TULP4: variants seen among roughly 807,000 people sequenced by gnomAD.
TULP4 encodes the protein TUB like protein 4.
A neutral mutation model predicts 129.0 loss-of-function variants in TULP4; 16 were observed. The ratio of observed to expected loss-of-function variants is 0.12; its 90% CI spans 0.08 to 0.19. TULP4 has a LOEUF of 0.19. Ranked by LOEUF, TULP4 falls within the 10% of genes least tolerant of loss-of-function variation. TULP4 has a pLI of 1.00. For missense variants in TULP4, 1,842 were observed against 2,059.1 expected (o/e 0.89, Z 2.04); for synonymous variants, 998 against 854.0 (o/e 1.17, Z -2.94).
chr6:158,351,864 G>A (rs1480766296), intron 1 of TULP4, among the ~76,000 whole-genome samples: 1 of 151,636 alleles, frequency 6.6e-6, no homozygotes, highest in East Asian at 1.9e-4. Flanking sequence ...TGGGATTATA[G>A]GCATGTGCCA....
chr6:158,369,000 T>C (rs929821379), intron 1 of TULP4, among the ~76,000 whole-genome samples: 4 of 152,234 alleles, frequency 2.6e-5, no homozygotes, highest in Non-Finnish European at 5.9e-5. Context: ...TTTTATTTTA[T>C]AGTGCCACAG....
At chr6:158,337,182 G>C (rs1400134222) in intron 1 of TULP4, among the ~76,000 whole-genome samples, 1 of 118,320 alleles carries the variant, frequency 8.5e-6, no homozygotes, top group Non-Finnish European at 1.6e-5. Context: ...GCCTAGGCTG[G>C]AGTGCAGTGG....
At chr6:158,500,499 G>A (rs2128262161) in intron 12 of TULP4, among the ~76,000 whole-genome samples, 1 of 152,288 alleles carries the variant, frequency 6.6e-6, no homozygotes, top group Admixed American at 6.5e-5. Context: ...GCTGCCACAC[G>A]GTACTTACAC....
chr6:158,331,637 T>A (rs1779880872), intron 1 of TULP4, among the ~76,000 whole-genome samples: 1 of 149,204 alleles, frequency 6.7e-6, no homozygotes, highest in African/African-American at 2.5e-5. Flanking sequence ...ATCTGGCCTC[T>A]AGAGGTGTTC....
At chr6:158,350,899 T>G (rs1440656186) in intron 1 of TULP4, among the ~76,000 whole-genome samples, 1 of 152,002 alleles carries the variant, frequency 6.6e-6, no homozygotes, top group African/African-American at 2.4e-5. Flanking sequence ...TGGCTGGGAT[T>G]ACTGCCACCA....
chr6:158,253,407 C>T (rs185712931), intron 1 of TULP4, among the ~76,000 whole-genome samples: 1 of 152,084 alleles, frequency 6.6e-6, no homozygotes, highest in African/African-American at 2.4e-5. Flanking sequence ...TCTGCCCTGC[C>T]GTAAGTGGAG....
chr6:158,305,334 T>C (rs1373144397), intron 1 of TULP4, among the ~76,000 whole-genome samples: 1 of 97,886 alleles, frequency 1.0e-5, no homozygotes, highest in African/African-American at 3.3e-5. Context: ...CGTGTGTGTG[T>C]GTGTGTGTGT....
chr6:158,506,756 C>A lies in TULP4; in HGVS notation c.*62C>A. ...CTTTGGAAGAGGTCTTCGGAGATGC[C>A]AGAGGAGCCCTCTAGGGGTCCGATG... On this transcript the variant is annotated 3_prime_UTR_variant, in exon 14 of 14. Coordinates refer to ENST00000367097, the MANE Select transcript of TULP4 (RefSeq NM_020245.5). 1 of 1,185,108 alleles carries A rather than the reference C, an allele frequency of 8.4e-7. No homozygotes were observed. Among genetic ancestry groups the A allele is most frequent in the Non-Finnish European group, 1.3e-6 (1 of 796,866 alleles). 73.4% of individuals were successfully genotyped at this position (1,185,108 alleles called of 1,614,324 possible).
At chr6:158,424,739 GGATACA>G (rs1396856251) in intron 2 of TULP4, among the ~76,000 whole-genome samples, 1 of 152,060 alleles carries the variant, frequency 6.6e-6, no homozygotes, top group African/African-American at 2.4e-5. Flanking sequence ...CAGAATCCAT[GGATACA>G]GATGACAAAC....
chr6:158,317,490 A>G (rs1383613827), intron 1 of TULP4, among the ~76,000 whole-genome samples: 2 of 62,488 alleles, frequency 3.2e-5, no homozygotes, highest in African/African-American at 9.1e-5. Context: ...TGCAAAGGAC[A>G]TGAACTCATC....
intron 3 of TULP4, among the ~76,000 whole-genome samples, chr6:158,444,852 C>T (rs768047868): frequency 6.6e-6 from 1 of 152,138 alleles, no homozygotes; most frequent in Non-Finnish European, 1.5e-5. Flanking sequence ...CGCTCAGTCA[C>T]CCAGGGTGGA....
intron 3 of TULP4, among the ~76,000 whole-genome samples, chr6:158,445,750 A>G (rs1374025085): frequency 6.6e-6 from 1 of 152,210 alleles, no homozygotes; most frequent in African/African-American, 2.4e-5. Flanking sequence ...TGTGTTGCTC[A>G]GGAAAGGATG....
At chr6:158,460,186 C>T (rs1779394088) in intron 5 of TULP4, among the ~76,000 whole-genome samples, 1 of 152,216 alleles carries the variant, frequency 6.6e-6, no homozygotes, top group African/African-American at 2.4e-5. Flanking sequence ...CTCTAGTTTT[C>T]AAGAGACGTG....
chr6:158,485,875 G>A (rs1418377658), intron 8 of TULP4, among the ~76,000 whole-genome samples: 1 of 152,194 alleles, frequency 6.6e-6, no homozygotes, highest in Non-Finnish European at 1.5e-5. Flanking sequence ...TTCTATGCCT[G>A]TCCCACAATT....
intron 2 of TULP4, among the ~76,000 whole-genome samples, chr6:158,427,640 C>T (rs374428699): frequency 2.2e-4 from 34 of 151,540 alleles, no homozygotes; most frequent in East Asian, 1.6e-3. Flanking sequence ...ACTACAGGCG[C>T]GTGCCACCAT....
chr6:158,289,804 C>T (rs1583707893), intron 1 of TULP4, among the ~76,000 whole-genome samples: 2 of 151,978 alleles, frequency 1.3e-5, no homozygotes, highest in African/African-American at 2.4e-5. Flanking sequence ...TGGTCTTGAA[C>T]TCCTAGGTTC....
intron 5 of TULP4, among the ~76,000 whole-genome samples, chr6:158,453,519 G>A (rs553333163): frequency 6.3e-4 from 82 of 129,186 alleles, no homozygotes; most frequent in African/African-American, 2.6e-3. Flanking sequence ...AGCCGGGCAC[G>A]GTAGCTCACG....
chr6:158,467,404 C>A (rs572963115), intron 6 of TULP4, among the ~76,000 whole-genome samples: 1 of 152,108 alleles, frequency 6.6e-6, no homozygotes, highest in South Asian at 2.1e-4. Context: ...CTCAGCCTCC[C>A]GAGTAGCTGG....
chr6:158,338,696 C>A (rs1297705124), intron 1 of TULP4, among the ~76,000 whole-genome samples: 2 of 152,218 alleles, frequency 1.3e-5, no homozygotes, highest in Non-Finnish European at 2.9e-5. Context: ...GGAAGGTAAA[C>A]TTGGCCCAGG....
Sources: gnomAD v4.1 joint callset for allele counts (sites outside exome capture counted in the v4.1 genomes callset) on GRCh38, gnomAD v4.1.1 for gene constraint, MANE v1.5 for transcripts, NCBI Gene and HGNC (gene_info 2026-07-23, HGNC 2026-07-21) for gene names.